The following JAKMIP3 variants were observed in gnomAD, a reference collection of about 807,000 sequenced individuals.
JAKMIP3 encodes the protein janus kinase and microtubule-interacting protein 3.
Under a neutral mutation model 118.5 loss-of-function variants are expected in JAKMIP3, and 58 were observed. That is an observed-to-expected ratio of 0.49 (90% CI 0.40 to 0.61). The LOEUF (loss-of-function observed/expected upper bound fraction) is 0.61, where lower values mean the gene tolerates loss of function less well. Ranked by LOEUF, JAKMIP3 falls within the 20% of genes least tolerant of loss-of-function variation. The pLI, the probability that JAKMIP3 is intolerant of heterozygous loss-of-function variation, is 0.00. For missense variants in JAKMIP3, 950 were observed against 1,109.0 expected (o/e 0.86, Z 2.04); for synonymous variants, 486 against 451.2 (o/e 1.08, Z -0.98).
chr10:132,150,415 C>G (rs1209617884), intron 16 of JAKMIP3, among the ~76,000 whole-genome samples: 1 of 152,158 alleles, frequency 6.6e-6, no homozygotes, highest in Non-Finnish European at 1.5e-5. Context: ...ATAGATAACT[C>G]CTAAATTTCA....
chr10:132,116,555 TGA>T (rs2047699692), intron 2 of JAKMIP3, among the ~76,000 whole-genome samples: 1 of 92,904 alleles, frequency 1.1e-5, no homozygotes, highest in East Asian at 3.6e-4. Flanking sequence ...TTCAGATGTG[TGA>T]GTGTGTGCAT....
rs769194171 is a variant in JAKMIP3 at position 132,139,320 on chromosome 10, A to ATG, written c.1345-1121_1345-1120dup. On this transcript the variant is annotated intron_variant, in intron 9 of 23. Coordinates refer to ENST00000684848, the MANE Select transcript of JAKMIP3 (RefSeq NM_001323087.2). ...TGTATGTGTGTGAGTGTGTATGTGT[A>ATG]TGTGTGTGTGTTTGTATGTGTGTAC... Among the ~76,000 whole-genome samples the ATG allele has an allele frequency of 2.4e-4, 14 of 57,280 alleles. 1 individual carries two copies. Among genetic ancestry groups the ATG allele is most frequent in the East Asian group, 1.7e-3 (2 of 1,166 alleles). 37.6% of individuals were successfully genotyped at this position (57,280 alleles called of 152,430 possible).
At chr10:132,144,758 G>A (rs1194711621) in intron 11 of JAKMIP3, 12 of 196,024 alleles carry the variant, frequency 6.1e-5, no homozygotes, top group Admixed American at 6.0e-4. Context: ...GTGAAACCCC[G>A]TCTCTACAAA....
upstream of JAKMIP3, among the ~76,000 whole-genome samples, chr10:132,064,632 C>T (rs12257524): frequency 0.5 from 75,373 of 152,032 alleles, 19,010 homozygotes; most frequent in Admixed American, 0.62. The surrounding 1 kb of genome is among the most constrained non-coding windows in gnomAD (Gnocchi z 4.4). Context: ...TAACCAGGGA[C>T]AGCGGGCGGC....
chr10:132,107,277 G>C lies in JAKMIP3; in HGVS notation c.135+2334G>C, dbSNP rs1198720591. Among the ~76,000 whole-genome samples the C allele has an allele frequency of 3.3e-5, 5 of 152,170 alleles. No individual in the cohort carries two copies. In the East Asian group the frequency reaches 7.7e-4, roughly 23 times the overall value. ...GTTCTCTGTCCACCTAATTACAACA[G>C]CATCATGTGATTTTTTGTGCAGTTT... On this transcript the variant is annotated intron_variant, in intron 2 of 23. Coordinates refer to ENST00000684848, the MANE Select transcript of JAKMIP3 (RefSeq NM_001323087.2).
At chr10:132,161,842 G>GA (rs1248174599) in intron 19 of JAKMIP3, among the ~76,000 whole-genome samples, 3 of 111,386 alleles carry the variant, frequency 2.7e-5, no homozygotes, top group Non-Finnish European at 5.6e-5. Context: ...GTGAAGCTAG[G>GA]GGGTCTTTTC....
intron 8 of JAKMIP3, among the ~76,000 whole-genome samples, chr10:132,137,695 C>T (rs1380813662): frequency 2.0e-5 from 3 of 152,220 alleles, no homozygotes; most frequent in Admixed American, 1.3e-4. Flanking sequence ...CCCCGGAGAG[C>T]AGCAGGACCC....
chr10:132,104,550 A>G, intron 1 of JAKMIP3, 122 bp from the exon 2 acceptor site: 2 of 490,860 alleles, frequency 4.1e-6, no homozygotes, highest in Non-Finnish European at 7.4e-6. Flanking sequence ...TCGTCCAGGT[A>G]GCATCCTCAG....
In JAKMIP3 at chr10:132,112,245, G is replaced by A. The variant is rs1564911884; in HGVS notation, c.136-4832G>A. ...TGACATTTGGGTGGTGAGCACAGGT[G>A]CCTGCTGTCCCGCGGGGCACACGGG... On this transcript the variant is annotated intron_variant, in intron 2 of 23. Coordinates refer to ENST00000684848, the MANE Select transcript of JAKMIP3 (RefSeq NM_001323087.2). This position sits in a 1 kb window ranked among gnomAD's most constrained non-coding sequence, Gnocchi z 4.3. Among the ~76,000 whole-genome samples, 3 of 152,004 alleles carry A rather than the reference G, an allele frequency of 2.0e-5. No individual in the cohort carries two copies. The highest frequency in any genetic ancestry group is 1.3e-4 in the Admixed American group (2 of 15,276).
At chr10:132,134,545 T>G (rs2051322008) in intron 4 of JAKMIP3, among the ~76,000 whole-genome samples, 1 of 152,150 alleles carries the variant, frequency 6.6e-6, no homozygotes. Flanking sequence ...TCACCTCTTT[T>G]GGAAGTCTCC....
At chr10:132,104,066 G>A (rs1419787578) in intron 1 of JAKMIP3, among the ~76,000 whole-genome samples, 1 of 152,166 alleles carries the variant, frequency 6.6e-6, no homozygotes, top group Non-Finnish European at 1.5e-5. Flanking sequence ...CTCCCTCCTG[G>A]TTACAGCTGG....
chr10:132,138,524 T>A (rs577582679), intron 9 of JAKMIP3, among the ~76,000 whole-genome samples: 1 of 152,364 alleles, frequency 6.6e-6, no homozygotes, highest in African/African-American at 2.4e-5. Context: ...TTAGTAGGAA[T>A]CAGTCTTTGG....
intron 23 of JAKMIP3, among the ~76,000 whole-genome samples, chr10:132,172,005 A>G (rs2059539352): frequency 6.6e-6 from 1 of 151,990 alleles, no homozygotes; most frequent in South Asian, 2.1e-4. Context: ...ACTCAGCCAC[A>G]CCCTGGGTTC....
At chr10:132,180,570 T>TGCGTGCGGGC (rs1325845020) in intron 23 of JAKMIP3, among the ~76,000 whole-genome samples, 1 of 19,960 alleles carries the variant, frequency 5.0e-5, no homozygotes, top group African/African-American at 1.9e-4. Flanking sequence ...TGTGTGTGCG[T>TGCGTGCGGGC]GTGTGTGTGC....
At chr10:132,139,314 ATGTGTATG>A (rs1051323662) in intron 9 of JAKMIP3, among the ~76,000 whole-genome samples, 30 of 91,090 alleles carry the variant, frequency 3.3e-4, no homozygotes, top group African/African-American at 1.7e-3. Context: ...GTGAGTGTGT[ATGTGTATG>A]TGTGTGTGTT....
At chr10:132,139,146 GAGTA>G (rs2052589986) in intron 9 of JAKMIP3, among the ~76,000 whole-genome samples, 1 of 150,764 alleles carries the variant, frequency 6.6e-6, no homozygotes, top group African/African-American at 2.5e-5. Flanking sequence ...ATGTGTATGT[GAGTA>G]TGAGTGTGTA....
chr10:132,139,049 A>AGTGTGTGTGTGTGTGT (rs4009682), intron 9 of JAKMIP3, among the ~76,000 whole-genome samples: 1 of 150,080 alleles, frequency 6.7e-6, no homozygotes, highest in African/African-American at 2.5e-5. Flanking sequence ...CTTTATGTTG[A>AGTGTGTGTGTGTGTGT]GTGTGTGTGT....
At chr10:132,163,709 C>G (rs1406516962) in intron 20 of JAKMIP3, among the ~76,000 whole-genome samples, 1 of 152,246 alleles carries the variant, frequency 6.6e-6, no homozygotes, top group Non-Finnish European at 1.5e-5. Context: ...GGTGGCCATG[C>G]CTGTCAATGG....
At chr10:132,066,341 G>A (rs928294771) in intron 1 of JAKMIP3, among the ~76,000 whole-genome samples, 2 of 152,228 alleles carry the variant, frequency 1.3e-5, no homozygotes, top group Non-Finnish European at 2.9e-5. Context: ...ATGGGTGTGT[G>A]TTCCATCCCA....
Sources: gnomAD v4.1 joint callset for allele counts (sites outside exome capture counted in the v4.1 genomes callset) on GRCh38, gnomAD v4.1.1 for gene constraint, Gnocchi (gnomAD v3.1) non-coding constraint, MANE v1.5 for transcripts, NCBI Gene and HGNC (gene_info 2026-07-23, HGNC 2026-07-21) for gene names.